ATP5MF: variants seen among roughly 807,000 people sequenced by gnomAD.
ATP5MF encodes the protein ATP synthase membrane subunit f, also known as ATP synthase F(0) complex subunit f, mitochondrial.
ATP5MF carries 10 observed loss-of-function variants against 13.8 expected under a neutral mutation model. The ratio of observed to expected loss-of-function variants is 0.72; its 90% confidence interval spans 0.45 to 1.23. The LOEUF (loss-of-function observed/expected upper bound fraction) is 1.23, where lower values mean the gene tolerates loss of function less well. Among genes scored for constraint, ATP5MF ranks in the 50% most tolerant of loss-of-function variants. The pLI is 0.00. For synonymous variants in ATP5MF, 40 were observed against 45.8 expected (o/e 0.87, Z 0.51); for missense variants, 122 against 118.2 (o/e 1.03, Z -0.15).
Position 99,466,108 on chromosome 7 carries a change from T to C in ATP5MF, c.31+3A>G. 6.2e-7 allele frequency: 1 copy of C among 1,614,138 alleles called. No individual in the cohort carries two copies. The stretch of plus-strand genomic sequence containing the variant: ...TTCCACCACGGAGTCCAAACAGCCT[T>C]ACCTGGGGCCGGACACTCACCAACT... On this transcript the variant is annotated splice_donor_region_variant and intron_variant, in intron 1 of 3. Coordinates refer to ENST00000292475, the MANE Select transcript of ATP5MF (RefSeq NM_004889.5).
rs370257255 is a variant in ATP5MF at position 99,459,244 on chromosome 7, G to A, written c.159C>T (p.Asn53=). The change falls in exon 3 of 4, where the codon AAC becomes AAT. Residue 53 remains asparagine (N), a synonymous_variant. Coordinates refer to ENST00000292475, the MANE Select transcript of ATP5MF (RefSeq NM_004889.5). ...AFQRGYYRYY[N]KYINVKKGSI... is the part of the protein sequence containing the mutation. ...TCCCCTTCTTCACATTGATGTACTTGTTGTAGTACCGGTAGTAACCTGCAA... is the reference window on the plus strand; with the variant it reads ...TCCCCTTCTTCACATTGATGTACTTATTGTAGTACCGGTAGTAACCTGCAA... The A allele has an allele frequency of 2.1e-5, 34 of 1,613,832 alleles. No homozygotes were observed. In the African/African-American group the frequency reaches 2.8e-4, roughly 13 times the overall value.
intron 1 of ATP5MF, among the ~76,000 whole-genome samples, chr7:99,465,492 T>C (rs956517109): frequency 6.6e-6 from 1 of 152,136 alleles, no homozygotes; most frequent in East Asian, 1.9e-4. Context: ...ATCATCAGTG[T>C]GCACAGCGGG....
At chr7:99,460,544 A>G (rs1798554076) in intron 1 of ATP5MF, 1 of 533,848 alleles carries the variant, frequency 1.9e-6, no homozygotes, top group Non-Finnish European at 3.7e-6. Flanking sequence ...AGCTTATTTA[A>G]TCTTCACAAC....
intron 1 of ATP5MF, chr7:99,460,614 C>A: frequency 2.2e-6 from 1 of 463,056 alleles, no homozygotes; most frequent in South Asian, 1.5e-5. Context: ...AGAGGTTGGG[C>A]CACGTGACCA....
chr7:99,462,673 G>A (rs1219394116), intron 1 of ATP5MF, among the ~76,000 whole-genome samples: 2 of 152,182 alleles, frequency 1.3e-5, no homozygotes, highest in Non-Finnish European at 2.9e-5. Flanking sequence ...TACTCGGGAG[G>A]CTGAGACAGG....
intron 1 of ATP5MF, among the ~76,000 whole-genome samples, chr7:99,461,968 C>T (rs1275332013): frequency 6.6e-6 from 1 of 151,378 alleles, no homozygotes; most frequent in Non-Finnish European, 1.5e-5. Context: ...AGAAAACTCA[C>T]TTCCTGATCC....
At chr7:99,460,783 T>G (rs115541951) in intron 1 of ATP5MF, among the ~76,000 whole-genome samples, 1,944 of 152,192 alleles carry the variant, frequency 0.013, 37 homozygotes, top group African/African-American at 0.044. Flanking sequence ...TCACTCAGAC[T>G]TGACGCACTT....
chr7:99,458,420 G>A, intron 3 of ATP5MF, 65 bp from the exon 4 acceptor site: 1 of 1,515,600 alleles, frequency 6.6e-7, no homozygotes, highest in Non-Finnish European at 9.0e-7. Context: ...AGCATGGCAG[G>A]AAGCAGGCTG....
In ATP5MF at chr7:99,459,136, G is replaced by T; in HGVS notation, c.256+11C>A. The T allele has an allele frequency of 1.2e-6, 2 of 1,603,730 alleles. No individual in the cohort carries two copies. Among genetic ancestry groups the T allele is most frequent in the Middle Eastern group, 1.9e-4 (1 of 5,336 alleles). ...TGGGAACTAAAGGCAAGACGCCGCA[G>T]AGGCACTCACTGAGATGCTTGTAGG... On this transcript the variant is annotated intron_variant, in intron 3 of 3. Coordinates refer to ENST00000292475, the MANE Select transcript of ATP5MF (RefSeq NM_004889.5).
rs1250319764 is a variant in ATP5MF at position 99,459,213 on chromosome 7, A to G, written c.190T>C (p.Ser64Pro). 2 of 1,614,164 alleles carry G rather than the reference A, an allele frequency of 1.2e-6. No individual in the cohort carries two copies. The highest frequency in any genetic ancestry group is 1.7e-6 in the Non-Finnish European group (2 of 1,180,028). ...KYINVKKGSISGITMVLACYV... is the reference protein window; with the variant it reads ...KYINVKKGSIPGITMVLACYV... ...CATGCCAGCACCATGGTAATCCCCG[A>G]GATGCTCCCCTTCTTCACATTGATG... The change falls in exon 3 of 4, where the codon TCG becomes CCG. Residue 64 changes from serine to proline, a missense_variant. Physicochemically the swap from Ser to Pro is moderately conservative, Grantham distance 74. Coordinates refer to ENST00000292475, the MANE Select transcript of ATP5MF (RefSeq NM_004889.5).
chr7:99,462,294 A>C (rs1349814372), intron 1 of ATP5MF, among the ~76,000 whole-genome samples: 1 of 142,632 alleles, frequency 7.0e-6, no homozygotes, highest in East Asian at 2.1e-4. Flanking sequence ...CTACTAAAAA[A>C]AAAAAAAAAA....
At chr7:99,458,594 C>T (rs760093589) in intron 3 of ATP5MF, among the ~76,000 whole-genome samples, 8 of 152,168 alleles carry the variant, frequency 5.3e-5, no homozygotes, top group African/African-American at 9.7e-5. Flanking sequence ...AGGGAACACA[C>T]GCTCAGACAA....
chr7:99,464,712 A>C (rs1174183252), intron 1 of ATP5MF, among the ~76,000 whole-genome samples: 1 of 151,500 alleles, frequency 6.6e-6, no homozygotes, highest in African/African-American at 2.4e-5. Context: ...GGTAATCTCA[A>C]CACTTTGGGA....
Position 99,459,269 on chromosome 7 carries a change from A to C in ATP5MF, c.140-6T>G. ...GTTGTAGTACCGGTAGTAACCTGCA[A>C]ACGCAAGAGGCGCTCACTGCCCTGC... On this transcript the variant is annotated splice_polypyrimidine_tract_variant and splice_region_variant and intron_variant, in intron 2 of 3. Coordinates refer to ENST00000292475, the MANE Select transcript of ATP5MF (RefSeq NM_004889.5). 6.2e-7 allele frequency: 1 copy of C among 1,605,588 alleles called. No homozygotes were observed. Among genetic ancestry groups the C allele is most frequent in the Non-Finnish European group, 8.5e-7 (1 of 1,172,146 alleles).
intron 1 of ATP5MF, among the ~76,000 whole-genome samples, chr7:99,461,072 T>C (rs1225089218): frequency 6.6e-6 from 1 of 152,180 alleles, no homozygotes; most frequent in Non-Finnish European, 1.5e-5. Flanking sequence ...TGGCTGAGGC[T>C]GTACTGTCCT....
In ATP5MF at chr7:99,459,060, G is replaced by T. The variant is rs768731662; in HGVS notation, c.256+87C>A. On this transcript the variant is annotated intron_variant, in intron 3 of 3. Transcript: ENST00000292475. Reference sequence around the variant, plus strand: ...TTTAACTAAAGGTCCCTCAGCCTCAGAAGAAGGTGGGCTGCTGTATCTAAT... The same window carrying T: ...TTTAACTAAAGGTCCCTCAGCCTCATAAGAAGGTGGGCTGCTGTATCTAAT... The T allele has an allele frequency of 1.3e-4, 130 of 1,010,610 alleles. 1 individual carries two copies. Among genetic ancestry groups the T allele is most frequent in the Admixed American group, 3.9e-4 (20 of 51,128 alleles). The allele number at this position is 1,010,610 out of a possible 1,614,324, so 62.6% of individuals were successfully genotyped here.
Position 99,458,350 on chromosome 7 carries a change from C to G in ATP5MF, c.262G>C (p.Glu88Gln), listed in dbSNP as rs773849050. ...YSFSYKHLKHERLRKYH is the reference protein window; with the variant it reads ...YSFSYKHLKHQRLRKYH ...CTTCAGTGGTATTTGCGGAGCCGCTCGTGCTCTGAAGTCAGGAAGGCAAGA... is the reference window on the plus strand; with the variant it reads ...CTTCAGTGGTATTTGCGGAGCCGCTGGTGCTCTGAAGTCAGGAAGGCAAGA... The change falls in exon 4 of 4, where the codon GAG (glutamate) becomes CAG (glutamine). Residue 88 changes from glutamate (E) to glutamine (Q), a missense_variant. Glu to Gln is a conservative substitution (Grantham distance 29, BLOSUM62 2). Coordinates refer to ENST00000292475, the MANE Select transcript of ATP5MF (RefSeq NM_004889.5). The G allele has an allele frequency of 1.2e-6, 2 of 1,608,054 alleles. No individual in the cohort carries two copies. The highest frequency in any genetic ancestry group is 2.2e-5 in the East Asian group (1 of 44,710).
intron 3 of ATP5MF, among the ~76,000 whole-genome samples, chr7:99,458,615 AG>A (rs927573201): frequency 3.3e-5 from 5 of 152,162 alleles, no homozygotes; most frequent in African/African-American, 1.2e-4. Context: ...ACAGCCCCAG[AG>A]AACCCGTCCT....
intron 1 of ATP5MF, 24 bp from the exon 2 acceptor site, chr7:99,460,217 A>G (rs74592598): frequency 2.4e-5 from 38 of 1,612,714 alleles, no homozygotes; most frequent in Non-Finnish European, 3.2e-5. Context: ...GTGAGAAAAA[A>G]TACCCACTGA....
Sources: allele counts gnomAD v4.1 joint callset (sites outside exome capture counted in the v4.1 genomes callset), GRCh38; gene constraint gnomAD v4.1.1; transcripts MANE v1.5; gene names NCBI Gene and HGNC (gene_info 2026-07-23, HGNC 2026-07-21).